The following CCDC102B variants were observed in gnomAD, a reference collection of about 807,000 sequenced individuals.
CCDC102B encodes the protein coiled-coil domain containing 102B.
A neutral mutation model predicts 57.4 loss-of-function variants in CCDC102B; 75 were observed. That is an observed-to-expected ratio of 1.31 (90% confidence interval 1.08 to 1.58). The LOEUF is 1.58. Ranked by LOEUF, CCDC102B falls within the 40% of genes most tolerant of loss-of-function variation. CCDC102B has a pLI of 0.00. For synonymous variants in CCDC102B, 206 were observed against 201.9 expected (o/e 1.02, Z -0.17); for missense variants, 636 against 582.6 (o/e 1.09, Z -0.94).
intron 5 of CCDC102B, among the ~76,000 whole-genome samples, chr18:68,885,163 C>G (rs966232233): frequency 6.6e-6 from 1 of 151,808 alleles, no homozygotes; most frequent in African/African-American, 2.4e-5. Context: ...GACATGGATA[C>G]ATGATAACAC....
At chr18:68,927,388 AG>A (rs1411674293) in intron 6 of CCDC102B, among the ~76,000 whole-genome samples, 1 of 152,004 alleles carries the variant, frequency 6.6e-6, no homozygotes, top group African/African-American at 2.4e-5. Flanking sequence ...TCTGGTAGAT[AG>A]AGGATACCAT....
At chr18:69,038,498 G>C (rs911486840) in intron 7 of CCDC102B, among the ~76,000 whole-genome samples, 9 of 151,638 alleles carry the variant, frequency 5.9e-5, no homozygotes, top group African/African-American at 2.2e-4. Flanking sequence ...TCATAATTTT[G>C]ATATTAACAT....
intron 4 of CCDC102B, among the ~76,000 whole-genome samples, chr18:68,871,063 A>G (rs4286194): frequency 0.39 from 59,303 of 151,982 alleles, 11,893 homozygotes; most frequent in East Asian, 0.62. Context: ...AGTGAATTAT[A>G]GCAGGTATTT....
At chr18:68,959,981 C>G (rs150996205) in intron 6 of CCDC102B, among the ~76,000 whole-genome samples, 1 of 152,004 alleles carries the variant, frequency 6.6e-6, no homozygotes, top group Non-Finnish European at 1.5e-5. Flanking sequence ...TAGTGCTCAA[C>G]CCCACTGTGG....
At chr18:68,843,682 T>A (rs1442141937) in intron 3 of CCDC102B, among the ~76,000 whole-genome samples, 1 of 152,064 alleles carries the variant, frequency 6.6e-6, no homozygotes, top group Admixed American at 6.6e-5. Context: ...CTTTTTAATT[T>A]CGTTCTCATG....
At chr18:69,024,762 C>G (rs2051938950) in intron 7 of CCDC102B, among the ~76,000 whole-genome samples, 2 of 151,894 alleles carry the variant, frequency 1.3e-5, no homozygotes, top group Admixed American at 6.6e-5. Flanking sequence ...ATAATGATTA[C>G]AGGAATGTAA....
intron 6 of CCDC102B, among the ~76,000 whole-genome samples, chr18:68,913,456 G>A (rs912162488): frequency 6.6e-6 from 1 of 151,834 alleles, no homozygotes; most frequent in African/African-American, 2.4e-5. Flanking sequence ...AGACCAGCCT[G>A]ATCAACATGG....
chr18:69,043,211 G>A (rs966439288), intron 7 of CCDC102B, among the ~76,000 whole-genome samples: 4 of 152,144 alleles, frequency 2.6e-5, no homozygotes, highest in Non-Finnish European at 5.9e-5. Context: ...AAGCAGTATT[G>A]CTGCCCACAT....
chr18:68,743,467 A>T (rs947932419), intron 2 of CCDC102B, among the ~76,000 whole-genome samples: 2 of 152,136 alleles, frequency 1.3e-5, no homozygotes, highest in Non-Finnish European at 2.9e-5. Context: ...CTCTGTCTTG[A>T]GATCTCTGAA....
chr18:68,975,466 T>A (rs953643593), intron 6 of CCDC102B, among the ~76,000 whole-genome samples: 4 of 152,064 alleles, frequency 2.6e-5, no homozygotes, highest in Non-Finnish European at 1.5e-5. Flanking sequence ...AAACTTACTG[T>A]GAATTAATTT....
intron 2 of CCDC102B, chr18:68,753,480 A>C (rs1324249037): frequency 6.6e-6 from 1 of 152,152 alleles, no homozygotes; most frequent in East Asian, 1.9e-4. Flanking sequence ...ATATGAACAC[A>C]CACCTCACAT....
At chr18:68,911,673 A>AC (rs1415890582) in intron 6 of CCDC102B, among the ~76,000 whole-genome samples, 2 of 134,720 alleles carry the variant, frequency 1.5e-5, no homozygotes, top group Admixed American at 7.7e-5. Flanking sequence ...AATGGCGTGA[A>AC]CCCGGGAGGC....
At chr18:68,989,388 T>G (rs373892346) in intron 6 of CCDC102B, among the ~76,000 whole-genome samples, 69 of 152,328 alleles carry the variant, frequency 4.5e-4, no homozygotes, top group African/African-American at 1.6e-3. Context: ...GTCTACTTCT[T>G]GGAATGTTTG....
chr18:68,766,774 C>T (rs1275263766), intron 2 of CCDC102B, among the ~76,000 whole-genome samples: 1 of 151,862 alleles, frequency 6.6e-6, no homozygotes, highest in Non-Finnish European at 1.5e-5. Flanking sequence ...CCACAGGCCT[C>T]AGTTGAAACT....
intron 1 of CCDC102B, among the ~76,000 whole-genome samples, chr18:68,826,991 C>G (rs965807532): frequency 6.6e-6 from 1 of 151,860 alleles, no homozygotes; most frequent in Non-Finnish European, 1.5e-5. Flanking sequence ...TAGTGAATTT[C>G]TCACCTGAAG....
At chr18:68,902,575 C>T (rs2040492519) in intron 6 of CCDC102B, among the ~76,000 whole-genome samples, 2 of 152,164 alleles carry the variant, frequency 1.3e-5, no homozygotes, top group African/African-American at 4.8e-5. Context: ...TAACCAGTAC[C>T]TATCTGCAGC....
intron 7 of CCDC102B, among the ~76,000 whole-genome samples, chr18:69,027,672 T>G (rs1429021200): frequency 1.3e-5 from 2 of 152,186 alleles, no homozygotes; most frequent in Non-Finnish European, 2.9e-5. Context: ...GATCCTTTTT[T>G]TTTTTTAAAG....
chr18:68,725,981 T>G (rs1260225477), intron 2 of CCDC102B, among the ~76,000 whole-genome samples: 8 of 152,180 alleles, frequency 5.3e-5, no homozygotes, highest in Admixed American at 5.2e-4. Flanking sequence ...AGCAGCCCTT[T>G]TATGTCAGTT....
At chr18:68,795,783 T>G (rs2144670719), upstream of CCDC102B, among the ~76,000 whole-genome samples, 1 of 152,318 alleles carries the variant, frequency 6.6e-6, no homozygotes, top group South Asian at 2.1e-4. Flanking sequence ...AGGATTTCAA[T>G]ATATCTTCTT....
Sources: gnomAD v4.1 joint callset for allele counts (sites outside exome capture counted in the v4.1 genomes callset) on GRCh38, gnomAD v4.1.1 for gene constraint, MANE v1.5 for transcripts, NCBI Gene and HGNC (gene_info 2026-07-23, HGNC 2026-07-21) for gene names.